Variants in SLC13A1 observed in about 807,000 individuals in gnomAD.
SLC13A1 encodes Na(+)/sulfate cotransporter.
Under a neutral mutation model 70.0 loss-of-function variants are expected in SLC13A1, and 65 were observed. The ratio of observed to expected loss-of-function variants is 0.93; its 90% confidence interval spans 0.76 to 1.14. SLC13A1 has a LOEUF of 1.14. Among genes scored for constraint, SLC13A1 ranks in the 50% most tolerant of loss-of-function variants. SLC13A1 has a pLI of 0.00. For synonymous variants in SLC13A1, 275 were observed against 250.5 expected (o/e 1.10, Z -0.92); for missense variants, 726 against 717.8 (o/e 1.01, Z -0.13).
chr7:123,192,700 A>G (rs901561974), intron 1 of SLC13A1, among the ~76,000 whole-genome samples: 1 of 152,140 alleles, frequency 6.6e-6, no homozygotes, highest in Non-Finnish European at 1.5e-5. Flanking sequence ...TCTGTGCTAC[A>G]AGAAAAACAT....
rs769710026 is a variant in SLC13A1 at position 123,115,521 on chromosome 7, T to C, written c.1785A>G (p.Pro595=). The change falls in exon 15 of 15, where the codon CCA becomes CCG. Residue 595 remains proline, a synonymous_variant. Coordinates refer to ENST00000194130, the MANE Select transcript of SLC13A1 (RefSeq NM_022444.4). ...ATAGTCAGAAATTTTGTGCTTATTA[T>C]GGCATGGTCTCATTACTCATAGCAG... The part of the protein sequence containing the change: ...WAPAMSNETM[P] 1 of 1,606,184 alleles carries C rather than the reference T, an allele frequency of 6.2e-7. No individual in the cohort carries two copies. Among genetic ancestry groups the C allele is most frequent in the Non-Finnish European group, 8.5e-7 (1 of 1,175,232 alleles).
Position 123,115,489 on chromosome 7 carries a change from C to T in SLC13A1, c.*29G>A, listed in dbSNP as rs757779552. ...AATCATTAATGTCTTCCAGAAATTA[C>T]CGCAAGATAGTCAGAAATTTTGTGC... is the stretch of plus-strand genomic sequence containing the variant. On this transcript the variant is annotated 3_prime_UTR_variant, in exon 15 of 15. Transcript: ENST00000194130. 5 of 1,598,088 alleles carry T rather than the reference C, an allele frequency of 3.1e-6. No homozygotes were observed. Among genetic ancestry groups the T allele is most frequent in the African/African-American group, 1.3e-5 (1 of 74,624 alleles).
chr7:123,129,053 G>A, intron 9 of SLC13A1, 107 bp from the exon 10 acceptor site: 1 of 771,372 alleles, frequency 1.3e-6, no homozygotes. Flanking sequence ...ACTAAACACT[G>A]TAAGAACTAG....
Position 123,156,525 on chromosome 7 carries a change from A to G in SLC13A1, c.661-9215T>C, listed in dbSNP as rs553891962. On this transcript the variant is annotated intron_variant, in intron 6 of 14. Coordinates refer to ENST00000194130, the MANE Select transcript of SLC13A1 (RefSeq NM_022444.4). ...TTCCATAGTGCACAGAGGAATTGAG[A>G]CAGTGGGAACCTGTCCTTTTGGTCT... Among the ~76,000 whole-genome samples the G allele has an allele frequency of 3.9e-5, 6 of 152,258 alleles. No individual in the cohort carries two copies. In the South Asian group the frequency reaches 1.0e-3, roughly 26 times the overall value.
chr7:123,129,523 C>T, intron 8 of SLC13A1, 42 bp from the exon 9 acceptor site: 1 of 1,402,474 alleles, frequency 7.1e-7, no homozygotes, highest in African/African-American at 1.4e-5. Context: ...AATTCTTTTA[C>T]TACCACCTCC....
At chr7:123,150,556 G>A (rs569279755) in intron 6 of SLC13A1, among the ~76,000 whole-genome samples, 23 of 152,144 alleles carry the variant, frequency 1.5e-4, no homozygotes, top group South Asian at 4.2e-4. Flanking sequence ...CAAACTACTC[G>A]AAAGAGTTGT....
In SLC13A1 at chr7:123,171,770, T is replaced by C. The variant is rs190332895; in HGVS notation, c.363A>G (p.Ala121=). 1.3e-5 allele frequency: 21 copies of C among 1,613,794 alleles called. No individual in the cohort carries two copies. In the African/African-American group the frequency reaches 1.7e-4, roughly 13 times the overall value. The change falls in exon 3 of 15, where the codon GCA becomes GCG. Residue 121 remains alanine (A), a splice_region_variant and synonymous_variant. Coordinates refer to ENST00000194130, the MANE Select transcript of SLC13A1 (RefSeq NM_022444.4). ...KMVMMVGVNP[A]WLTLGFMSST... ...GAAGCAGTAAATGCAGTACTTACCA[T>C]GCAGGATTTACACCAACCATCATCA... is the stretch of plus-strand genomic sequence containing the variant.
chr7:123,178,253 G>T (rs904040902), intron 2 of SLC13A1, among the ~76,000 whole-genome samples: 4 of 151,960 alleles, frequency 2.6e-5, no homozygotes, highest in African/African-American at 9.7e-5. Flanking sequence ...CAAAATACCA[G>T]TATTTAGGAT....
intron 1 of SLC13A1, among the ~76,000 whole-genome samples, chr7:123,199,290 C>T (rs1451872955): frequency 6.6e-6 from 1 of 152,100 alleles, no homozygotes; most frequent in African/African-American, 2.4e-5. Context: ...ATTATCAGAA[C>T]ATGGTAAATG....
At chr7:123,154,332 A>G (rs1794648225) in intron 6 of SLC13A1, among the ~76,000 whole-genome samples, 1 of 152,108 alleles carries the variant, frequency 6.6e-6, no homozygotes, top group Admixed American at 6.6e-5. Context: ...ATCTTCTTCC[A>G]AGTAACTGAA....
chr7:123,159,766 G>A (rs1470299819), intron 6 of SLC13A1, among the ~76,000 whole-genome samples: 1 of 152,084 alleles, frequency 6.6e-6, no homozygotes, highest in Non-Finnish European at 1.5e-5. Flanking sequence ...GCTGGCAGTA[G>A]AAATTATTCT....
chr7:123,177,439 G>A (rs533782233), intron 2 of SLC13A1, among the ~76,000 whole-genome samples: 1 of 152,106 alleles, frequency 6.6e-6, no homozygotes, highest in East Asian at 1.9e-4. Context: ...AAGTTAGGTT[G>A]ATCATTTAAC....
intron 12 of SLC13A1, among the ~76,000 whole-genome samples, chr7:123,121,358 T>G (rs1452342139): frequency 1.3e-5 from 2 of 152,164 alleles, no homozygotes; most frequent in Non-Finnish European, 2.9e-5. Flanking sequence ...GCATGTTTCT[T>G]GTTGGCTCTT....
intron 1 of SLC13A1, among the ~76,000 whole-genome samples, chr7:123,185,621 A>G (rs1041527912): frequency 2.6e-5 from 4 of 152,002 alleles, no homozygotes; most frequent in Admixed American, 1.3e-4. Flanking sequence ...TGGCTTCTCT[A>G]TGGTTTAATT....
At chr7:123,140,622 G>A (rs1166589451) in intron 7 of SLC13A1, among the ~76,000 whole-genome samples, 1 of 152,022 alleles carries the variant, frequency 6.6e-6, no homozygotes, top group Non-Finnish European at 1.5e-5. Context: ...AGTTTGTTCA[G>A]GTTTTGGATT....
chr7:123,185,718 C>T (rs554258207), intron 1 of SLC13A1, among the ~76,000 whole-genome samples: 3 of 152,004 alleles, frequency 2.0e-5, no homozygotes, highest in South Asian at 4.2e-4. Flanking sequence ...TAGTGTGATG[C>T]CCCCCAGCTT....
At chr7:123,125,370 C>G (rs1793523048) in intron 11 of SLC13A1, among the ~76,000 whole-genome samples, 199 bp downstream of exon 11, 1 of 152,104 alleles carries the variant, frequency 6.6e-6, no homozygotes, top group Non-Finnish European at 1.5e-5. Flanking sequence ...CTCACTTCTG[C>G]AAAGTAAGAC....
Position 123,147,325 on chromosome 7 carries a change from C to A in SLC13A1, c.661-15G>T. The A allele has an allele frequency of 6.2e-7, 1 of 1,610,798 alleles. No homozygotes were observed. The highest frequency in any genetic ancestry group is 8.5e-7 in the Non-Finnish European group (1 of 1,178,750). On this transcript the variant is annotated splice_polypyrimidine_tract_variant and intron_variant, in intron 6 of 14. Coordinates refer to ENST00000194130, the MANE Select transcript of SLC13A1 (RefSeq NM_022444.4). ...ATGCCTGAGTTCTGTTCAACAACAA[C>A]AAAAAACTACCATGAGAACTGCTCT...
chr7:123,142,242 A>C (rs1244762748), intron 7 of SLC13A1, among the ~76,000 whole-genome samples: 1 of 152,056 alleles, frequency 6.6e-6, no homozygotes, highest in Non-Finnish European at 1.5e-5. Context: ...CATGGGGAGC[A>C]TTGCCAAACT....
Sources: gnomAD v4.1 joint callset for allele counts (sites outside exome capture counted in the v4.1 genomes callset) on GRCh38, gnomAD v4.1.1 for gene constraint, MANE v1.5 for transcripts, NCBI Gene and HGNC (gene_info 2026-07-23, HGNC 2026-07-21) for gene names.